The following AZIN2 variants were observed in gnomAD, a reference collection of about 807,000 sequenced individuals.
AZIN2 encodes antizyme inhibitor 2.
A neutral mutation model predicts 47.8 loss-of-function variants in AZIN2; 28 were observed. That is an observed-to-expected ratio of 0.59 (90% CI 0.43 to 0.80). AZIN2 has a LOEUF of 0.80. AZIN2 is among the 30% of genes least tolerant of loss of function. AZIN2 has a pLI of 0.00. For synonymous variants in AZIN2, 221 were observed against 239.4 expected (o/e 0.92, Z 0.71); for missense variants, 535 against 582.5 (o/e 0.92, Z 0.84).
At chr1:33,153,424 G>T in the AZIN2 span, among the ~76,000 whole-genome samples, 2 of 152,228 alleles carry the variant, frequency 1.3e-5, no homozygotes, top group African/African-American at 4.8e-5. Flanking sequence ...TTGCTTCCCA[G>T]GGACATCTGG....
At chr1:33,136,227 C>A in the AZIN2 span, among the ~76,000 whole-genome samples, 2 of 150,592 alleles carry the variant, frequency 1.3e-5, no homozygotes, top group Non-Finnish European at 3.0e-5. Context: ...TCCCTCCTTT[C>A]TTTCTCTTTC....
chr1:33,159,741 C>T, the AZIN2 span: 2 of 1,612,802 alleles, frequency 1.2e-6, no homozygotes, highest in Non-Finnish European at 1.7e-6. The surrounding 1 kb of genome is among the most constrained non-coding windows in gnomAD (Gnocchi z 4.2). Flanking sequence ...CGGTTTCAGC[C>T]AGCCGCTCCT....
At chr1:33,131,423 A>G in the AZIN2 span, among the ~76,000 whole-genome samples, 3 of 152,198 alleles carry the variant, frequency 2.0e-5, no homozygotes, top group African/African-American at 7.2e-5. Flanking sequence ...GCTGTCTGTT[A>G]TGTTAGCCAC....
In AZIN2 at chr1:33,120,605, T is replaced by C. The variant is rs554336950; in HGVS notation, c.*423T>C. The C allele has an allele frequency of 1.7e-4, 30 of 172,132 alleles. No homozygotes were observed. The highest frequency in any genetic ancestry group is 6.7e-4 in the African/African-American group (28 of 41,836). 10.7% of individuals were successfully genotyped at this position (172,132 alleles called of 1,614,324 possible). A position where few individuals can be genotyped will look rare whatever the true frequency, so the allele number is the denominator to read the frequency against. On this transcript the variant is annotated 3_prime_UTR_variant, in exon 12 of 12. Transcript: ENST00000294517. ...GCAGGATTTCCCCATCACTCACTGA[T>C]GAGCCCACACCCTCTGCTTTAGTCC...
chr1:33,089,136 T>C (rs1642252454), intron 5 of AZIN2, among the ~76,000 whole-genome samples: 1 of 152,208 alleles, frequency 6.6e-6, no homozygotes, highest in African/African-American at 2.4e-5. Context: ...GAATCCCATC[T>C]GTGCCACTTA....
intron 5 of AZIN2, among the ~76,000 whole-genome samples, chr1:33,084,437 C>T (rs1299089906): frequency 6.6e-6 from 1 of 152,148 alleles, no homozygotes; most frequent in Non-Finnish European, 1.5e-5. Context: ...ACAAAAGCGT[C>T]TCCATATTGT....
At chr1:33,150,737 G>A in the AZIN2 span, among the ~76,000 whole-genome samples, 1 of 152,284 alleles carries the variant, frequency 6.6e-6, no homozygotes, top group Admixed American at 6.5e-5. Context: ...CGGGAGGTGG[G>A]AGTGGGAGGG....
the AZIN2 span, chr1:33,163,640 T>C: frequency 0.98 from 149,168 of 152,310 alleles, 73,078 homozygotes; most frequent in East Asian, 1. Flanking sequence ...GGCCTGGAGG[T>C]GCTGGGGCCC....
chr1:33,116,568 A>G (rs973776256), intron 10 of AZIN2, among the ~76,000 whole-genome samples: 1 of 152,134 alleles, frequency 6.6e-6, no homozygotes, highest in African/African-American at 2.4e-5. Context: ...ATAAGCACCT[A>G]ATGGATGCCA....
intron 11 of AZIN2, 123 bp from the exon 12 acceptor site, chr1:33,119,915 TCCCTGC>T: frequency 3.0e-6 from 4 of 1,312,804 alleles, no homozygotes; most frequent in Non-Finnish European, 4.2e-6. Context: ...CAGCAGCCTG[TCCCTGC>T]CCCTGCCCTC....
At chr1:33,095,631 C>G (rs1477345032) in intron 8 of AZIN2, among the ~76,000 whole-genome samples, 1 of 152,094 alleles carries the variant, frequency 6.6e-6, no homozygotes, top group African/African-American at 2.4e-5. Context: ...AAGTATATTA[C>G]AGTTGACCTT....
downstream of AZIN2, among the ~76,000 whole-genome samples, chr1:33,124,035 G>A (rs538230167): frequency 2.6e-5 from 4 of 151,876 alleles, no homozygotes; most frequent in Admixed American, 6.6e-5. The surrounding 1 kb of genome is among the most constrained non-coding windows in gnomAD (Gnocchi z 4.6). Flanking sequence ...GCATGGTGGC[G>A]TGCACCTCTA....
intron 10 of AZIN2, among the ~76,000 whole-genome samples, chr1:33,106,625 A>G (rs1368844238): frequency 6.6e-6 from 1 of 152,198 alleles, no homozygotes; most frequent in Non-Finnish European, 1.5e-5. Context: ...GAATTTATAA[A>G]TGTGATGTAC....
chr1:33,134,685 T>C, the AZIN2 span, among the ~76,000 whole-genome samples: 2 of 152,160 alleles, frequency 1.3e-5, no homozygotes, highest in Admixed American at 6.5e-5. Flanking sequence ...ACTGCAGGAA[T>C]TTTCTCTTGG....
chr1:33,159,610 C>T, the AZIN2 span: 14 of 1,509,322 alleles, frequency 9.3e-6, no homozygotes, highest in Non-Finnish European at 1.2e-5. The surrounding 1 kb of genome is among the most constrained non-coding windows in gnomAD (Gnocchi z 4.2). Flanking sequence ...AGGATCCCAT[C>T]TGCCTCCACT....
At chr1:33,104,529 G>GATT (rs1643903513) in intron 10 of AZIN2, among the ~76,000 whole-genome samples, 1 of 148,008 alleles carries the variant, frequency 6.8e-6, no homozygotes, top group Non-Finnish European at 1.5e-5. Flanking sequence ...TGCTGTTATA[G>GATT]ATTATCTTTA....
the AZIN2 span, among the ~76,000 whole-genome samples, chr1:33,156,937 C>T: frequency 6.6e-6 from 1 of 151,086 alleles, no homozygotes. Context: ...CCTTCCCACC[C>T]CCTCCACTAC....
the AZIN2 span, among the ~76,000 whole-genome samples, chr1:33,152,605 C>G: frequency 2.0e-5 from 3 of 151,352 alleles, no homozygotes; most frequent in Admixed American, 2.0e-4. Flanking sequence ...TGGGGACCAT[C>G]TGTCGATTCA....
Position 33,120,099 on chromosome 1 carries a change from G to A in AZIN2, c.1300G>A (p.Val434Met). 1 of 1,614,048 alleles carries A rather than the reference G, an allele frequency of 6.2e-7. No individual in the cohort carries two copies. The highest frequency in any genetic ancestry group is 8.5e-7 in the Non-Finnish European group (1 of 1,179,950). The change falls in exon 12 of 12, where the codon GTG becomes ATG. Residue 434 changes from valine to methionine, a missense_variant. Transcript: ENST00000294517. ...AAEQEDDVEG[V>M]CKPLSCGWEI... ...AGAACAGGAGGATGACGTGGAGGGT[G>A]TGTGCAAGCCTCTGTCCTGCGGCTG...
Sources: allele counts gnomAD v4.1 joint callset (sites outside exome capture counted in the v4.1 genomes callset), GRCh38; gene constraint gnomAD v4.1.1; non-coding constraint Gnocchi (gnomAD v3.1); transcripts MANE v1.5; gene names NCBI Gene and HGNC (gene_info 2026-07-23, HGNC 2026-07-21).